The following NRG4 variants were observed in gnomAD, a reference collection of about 807,000 sequenced individuals.
NRG4 encodes the protein pro-neuregulin-4, membrane-bound isoform.
Under a neutral mutation model 15.0 loss-of-function variants are expected in NRG4, and 10 were observed. The ratio of observed to expected loss-of-function variants is 0.67; its 90% CI spans 0.41 to 1.13. The LOEUF is 1.13. Among genes scored for constraint, NRG4 ranks in the 50% most tolerant of loss-of-function variants. The probability of loss-of-function intolerance (pLI) is 0.00; values close to 1 mark genes in which losing one functional copy is unlikely to be tolerated. For missense variants in NRG4, 139 were observed against 140.2 expected (o/e 0.99, Z 0.04); for synonymous variants, 41 against 50.1 (o/e 0.82, Z 0.77).
At chr15:76,049,963 T>C (rs2035957553) in intron 4 of NRG4, among the ~76,000 whole-genome samples, 1 of 150,948 alleles carries the variant, frequency 6.6e-6, no homozygotes, top group Non-Finnish European at 1.5e-5. Context: ...CAAGAAAAAC[T>C]AAATATGTTA....
intron 5 of NRG4, among the ~76,000 whole-genome samples, chr15:76,033,597 A>G (rs1376411157): frequency 2.0e-5 from 3 of 152,224 alleles, no homozygotes; most frequent in African/African-American, 7.2e-5. Flanking sequence ...TTCTCACAAG[A>G]CACAAAATCT....
chr15:75,954,265 G>GTTTTTT (rs774149763), intron 5 of NRG4, among the ~76,000 whole-genome samples: 1 of 136,032 alleles, frequency 7.4e-6, no homozygotes, highest in African/African-American at 2.7e-5. Context: ...TTGTTTTTTT[G>GTTTTTT]TTTTTTTTTT....
chr15:76,029,615 A>G (rs776307149), intron 5 of NRG4, among the ~76,000 whole-genome samples: 7 of 152,218 alleles, frequency 4.6e-5, no homozygotes, highest in Non-Finnish European at 8.8e-5. Flanking sequence ...AAACATCAGC[A>G]GTATTTCTGT....
At chr15:75,969,197 C>A (rs1480899405) in intron 3 of NRG4, 2 of 455,986 alleles carry the variant, frequency 4.4e-6, no homozygotes, top group African/African-American at 4.0e-5. Flanking sequence ...TGGAATAAGA[C>A]AAAGAGAAGC....
intron 3 of NRG4, among the ~76,000 whole-genome samples, chr15:75,994,235 T>TAC (rs1169386914): frequency 6.6e-6 from 1 of 152,236 alleles, no homozygotes; most frequent in African/African-American, 2.4e-5. Context: ...TTCTTAGCCT[T>TAC]ACCTGGGCTA....
At chr15:76,015,217 G>A (rs1243477538), upstream of NRG4, among the ~76,000 whole-genome samples, 1 of 152,190 alleles carries the variant, frequency 6.6e-6, no homozygotes, top group African/African-American at 2.4e-5. Context: ...TGCTGAAGTT[G>A]CTATCAGCTT....
intron 1 of NRG4, among the ~76,000 whole-genome samples, chr15:76,058,340 C>T (rs980260817): frequency 2.0e-5 from 3 of 152,164 alleles, no homozygotes; most frequent in Admixed American, 1.3e-4. Context: ...AGTGTTTCTT[C>T]CTCTGAAATT....
chr15:75,952,962 T>G (rs567410398), intron 5 of NRG4, among the ~76,000 whole-genome samples: 4 of 152,320 alleles, frequency 2.6e-5, no homozygotes, highest in African/African-American at 9.6e-5. Context: ...CAGAAGTAGA[T>G]TGTCTTTTCA....
Position 76,038,640 on chromosome 15 carries a change from G to C in NRG4, c.-104-2649C>G, listed in dbSNP as rs186490440. Among the ~76,000 whole-genome samples, 174 of 152,346 alleles carry C rather than the reference G, an allele frequency of 1.1e-3. 1 individual carries two copies. The highest frequency in any genetic ancestry group is 3.9e-3 in the African/African-American group (164 of 41,584). On this transcript the variant is annotated intron_variant, in intron 4 of 8. Coordinates refer to the NRG4 transcript ENST00000563910. ...CTAAGGTTTTTGACTCCAGTCCTTAGCTCCCAGATGGCATCTCTGGACCTG... is the reference window on the plus strand; with the variant it reads ...CTAAGGTTTTTGACTCCAGTCCTTACCTCCCAGATGGCATCTCTGGACCTG...
chr15:76,036,892 T>C (rs1210711903), intron 4 of NRG4, among the ~76,000 whole-genome samples: 17 of 151,936 alleles, frequency 1.1e-4, no homozygotes, highest in Admixed American at 1.1e-3. Flanking sequence ...GCTGGAGCAA[T>C]TAGACAGGAA....
chr15:76,030,159 T>C (rs1183253812), intron 5 of NRG4, among the ~76,000 whole-genome samples: 5 of 152,100 alleles, frequency 3.3e-5, no homozygotes, highest in Non-Finnish European at 7.3e-5. Flanking sequence ...CTCAGGAGGC[T>C]GAGGCAGGAG....
At chr15:76,013,310 G>C (rs1341068838), upstream of NRG4, among the ~76,000 whole-genome samples, 4 of 151,828 alleles carry the variant, frequency 2.6e-5, no homozygotes, top group African/African-American at 9.7e-5. Context: ...CTGGGCAACA[G>C]AGTGAGACTC....
chr15:75,973,573 T>G (rs987812605), intron 3 of NRG4, among the ~76,000 whole-genome samples: 3 of 152,196 alleles, frequency 2.0e-5, no homozygotes, highest in Admixed American at 6.5e-5. Context: ...GTTTTTAGCA[T>G]GAAGGGGTGT....
At chr15:76,054,958 A>G (rs373117830) in intron 2 of NRG4, among the ~76,000 whole-genome samples, 1 of 152,184 alleles carries the variant, frequency 6.6e-6, no homozygotes, top group African/African-American at 2.4e-5. Context: ...AAAAAAATTC[A>G]AAGTTAAATG....
intron 5 of NRG4, among the ~76,000 whole-genome samples, chr15:76,027,469 T>C (rs2035345978): frequency 6.6e-6 from 1 of 150,482 alleles, no homozygotes; most frequent in Non-Finnish European, 1.5e-5. Flanking sequence ...CCTCAATGGA[T>C]CCATTCAGCA....
At chr15:75,969,372 A>G (rs1312868320) in intron 3 of NRG4, 7 of 357,360 alleles carry the variant, frequency 2.0e-5, no homozygotes, top group Non-Finnish European at 4.0e-5. Flanking sequence ...TGATAAAGAC[A>G]GTAATCAAAA....
intron 3 of NRG4, among the ~76,000 whole-genome samples, chr15:75,982,152 A>G (rs771446143): frequency 2.6e-5 from 4 of 152,214 alleles, no homozygotes; most frequent in Non-Finnish European, 5.9e-5. Context: ...AACTCCTTCA[A>G]TGAAATAAGG....
chr15:75,946,738 GACC>G (rs1567068454), intron 5 of NRG4, among the ~76,000 whole-genome samples: 1 of 152,112 alleles, frequency 6.6e-6, no homozygotes, highest in East Asian at 1.9e-4. Context: ...CAGCCCTGGT[GACC>G]ACCATTCTAC....
intron 5 of NRG4, among the ~76,000 whole-genome samples, chr15:76,034,879 T>C (rs2035563810): frequency 6.6e-6 from 1 of 152,150 alleles, no homozygotes; most frequent in South Asian, 2.1e-4. Context: ...GAGCACTAAT[T>C]TGAGTTCACC....
Sources: allele counts gnomAD v4.1 joint callset (sites outside exome capture counted in the v4.1 genomes callset), GRCh38; gene constraint gnomAD v4.1.1; transcripts MANE v1.5; gene names NCBI Gene and HGNC (gene_info 2026-07-23, HGNC 2026-07-21).